Variants in PTCHD4 observed in about 807,000 individuals in gnomAD.
PTCHD4 encodes the protein patched domain-containing protein 4.
Under a neutral mutation model 58.1 loss-of-function variants are expected in PTCHD4, and 33 were observed. The observed-to-expected ratio is 0.57, with a 90% CI of 0.43 to 0.76. The LOEUF (loss-of-function observed/expected upper bound fraction) is 0.76, where lower values mean the gene tolerates loss of function less well. Among genes scored for constraint, PTCHD4 ranks in the 30% least tolerant of loss-of-function variants. The pLI is 0.00. For synonymous variants in PTCHD4, 478 were observed against 409.6 expected, an observed-to-expected ratio of 1.17 and a Z score of -2.02; for missense variants, 1,058 against 1,027.1, an observed-to-expected ratio of 1.03 and a Z score of -0.41.
At chr6:47,935,101 C>A (rs1404596151) in intron 4 of PTCHD4, among the ~76,000 whole-genome samples, 1 of 152,072 alleles carries the variant, frequency 6.6e-6, no homozygotes, top group Non-Finnish European at 1.5e-5. Flanking sequence ...GTGATGGAGT[C>A]ATAGATTTAG....
At chr6:47,879,998 T>C (rs1468431578) in intron 4 of PTCHD4, 62 bp from the exon 5 acceptor site, 2 of 1,264,120 alleles carry the variant, frequency 1.6e-6, no homozygotes, top group East Asian at 5.1e-5. Flanking sequence ...TCAAGTGAAT[T>C]CCTTATAGTT....
intron 4 of PTCHD4, among the ~76,000 whole-genome samples, chr6:48,004,150 A>C (rs1204296188): frequency 6.6e-6 from 1 of 152,192 alleles, no homozygotes; most frequent in Non-Finnish European, 1.5e-5. Flanking sequence ...CAGAACCCAA[A>C]AATTTCTTGA....
intron 4 of PTCHD4, among the ~76,000 whole-genome samples, chr6:47,961,449 T>C (rs1767091613): frequency 1.3e-5 from 2 of 151,916 alleles, no homozygotes; most frequent in Admixed American, 1.3e-4. Flanking sequence ...CCACTACCCA[T>C]GCCTGGCTAA....
intron 4 of PTCHD4, among the ~76,000 whole-genome samples, chr6:47,976,308 T>G (rs2113999429): frequency 6.6e-6 from 1 of 152,276 alleles, no homozygotes; most frequent in East Asian, 1.9e-4. Context: ...CTGCTGAAAG[T>G]CTGCTAAAAT....
intron 3 of PTCHD4, among the ~76,000 whole-genome samples, chr6:48,019,735 C>CAAAA (rs532483894): frequency 2.5e-5 from 3 of 121,318 alleles, no homozygotes; most frequent in Non-Finnish European, 3.4e-5. Flanking sequence ...GACTCCGTCT[C>CAAAA]AAAAAAAAAA....
rs1315814224 is a variant in PTCHD4, at chr6:47,868,767, G to T, written c.*9536C>A. Among the ~76,000 whole-genome samples the T allele has an allele frequency of 1.3e-5, 2 of 151,474 alleles. No homozygotes were observed. The highest frequency in any genetic ancestry group is 3.0e-5 in the Non-Finnish European group (2 of 67,714). ...TAGCCATGCTTATTTTTATGTAAAG[G>T]AGAAAACATGCTTAATTACTCTAAA... is the stretch of plus-strand genomic sequence containing the variant. On this transcript the variant is annotated 3_prime_UTR_variant, in exon 5 of 5. Transcript: ENST00000339488.
At chr6:47,952,619 C>G (rs1261809828) in intron 4 of PTCHD4, among the ~76,000 whole-genome samples, 1 of 152,014 alleles carries the variant, frequency 6.6e-6, no homozygotes, top group Non-Finnish European at 1.5e-5. Context: ...TTTTGTTATA[C>G]CTTGCTATAC....
At chr6:48,075,748 A>G (rs1765053213) in intron 1 of PTCHD4, among the ~76,000 whole-genome samples, 1 of 152,210 alleles carries the variant, frequency 6.6e-6, no homozygotes. Flanking sequence ...ACATAGCTTA[A>G]TTAAGAAATC....
At chr6:47,941,461 C>T (rs1186543723) in intron 4 of PTCHD4, among the ~76,000 whole-genome samples, 1 of 152,156 alleles carries the variant, frequency 6.6e-6, no homozygotes, top group African/African-American at 2.4e-5. Flanking sequence ...ATACCATTCT[C>T]CCTGACAGAA....
chr6:47,949,880 T>A (rs530922600), intron 4 of PTCHD4, among the ~76,000 whole-genome samples: 116 of 152,184 alleles, frequency 7.6e-4, no homozygotes, highest in Admixed American at 3.2e-3. Context: ...GTTTTTTTTT[T>A]AATTTTATTA....
chr6:48,012,404 A>AT (rs934878085), intron 3 of PTCHD4, among the ~76,000 whole-genome samples: 133 of 151,812 alleles, frequency 8.8e-4, no homozygotes, highest in Non-Finnish European at 6.6e-4. Flanking sequence ...AATGCTTGTG[A>AT]TTTTTTGCAC....
chr6:48,099,982 C>A (rs1404481669), intron 1 of PTCHD4, among the ~76,000 whole-genome samples: 1 of 152,150 alleles, frequency 6.6e-6, no homozygotes, highest in Non-Finnish European at 1.5e-5. Flanking sequence ...TGATAATTTT[C>A]CACAGCATGG....
intron 1 of PTCHD4, among the ~76,000 whole-genome samples, chr6:48,106,734 G>C (rs1582146058): frequency 6.6e-6 from 1 of 152,162 alleles, no homozygotes; most frequent in African/African-American, 2.4e-5. Flanking sequence ...TCCTTAAGCT[G>C]ATAAGCAACT....
At chr6:47,898,158 A>G (rs1006001692) in intron 4 of PTCHD4, among the ~76,000 whole-genome samples, 2 of 151,776 alleles carry the variant, frequency 1.3e-5, no homozygotes, top group African/African-American at 4.8e-5. Flanking sequence ...GTTAGCCAGG[A>G]TGGTCTCGAT....
At chr6:47,963,178 A>G (rs1374742259) in intron 4 of PTCHD4, among the ~76,000 whole-genome samples, 1 of 152,032 alleles carries the variant, frequency 6.6e-6, no homozygotes, top group African/African-American at 2.4e-5. Context: ...AAAGAAAAAT[A>G]GGAATAAGAT....
intron 4 of PTCHD4, among the ~76,000 whole-genome samples, chr6:47,972,767 A>G (rs1269558420): frequency 2.0e-5 from 3 of 151,764 alleles, no homozygotes; most frequent in African/African-American, 7.3e-5. Flanking sequence ...CCTAATGTTA[A>G]TGATGATGCT....
chr6:47,909,557 T>C (rs1765002161), intron 4 of PTCHD4, among the ~76,000 whole-genome samples: 1 of 152,080 alleles, frequency 6.6e-6, no homozygotes, highest in Non-Finnish European at 1.5e-5. Context: ...AAGCGGTCCT[T>C]CTATCTTGGC....
intron 4 of PTCHD4, among the ~76,000 whole-genome samples, chr6:48,004,427 C>A (rs773607747): frequency 2.0e-5 from 3 of 152,090 alleles, no homozygotes; most frequent in Non-Finnish European, 4.4e-5. Context: ...ACAGAATGAG[C>A]CAGCTTGGCA....
At chr6:47,917,184 T>G (rs115645836) in intron 4 of PTCHD4, among the ~76,000 whole-genome samples, 7,601 of 152,094 alleles carry the variant, frequency 0.05, 221 homozygotes, top group East Asian at 0.078. Flanking sequence ...AAAATTTAAT[T>G]TATATATTTT....
Sources: gnomAD v4.1 joint callset for allele counts (sites outside exome capture counted in the v4.1 genomes callset) on GRCh38, gnomAD v4.1.1 for gene constraint, MANE v1.5 for transcripts, NCBI Gene and HGNC (gene_info 2026-07-23, HGNC 2026-07-21) for gene names.